Variants in ICA1 observed in about 807,000 individuals in gnomAD.
ICA1 encodes islet cell autoantigen 1, also known as 69 kDa islet cell autoantigen.
ICA1 carries 40 observed loss-of-function variants against 71.0 expected under a neutral mutation model. That is an observed-to-expected ratio of 0.56 (90% CI 0.44 to 0.73). The LOEUF (loss-of-function observed/expected upper bound fraction) is 0.73. ICA1 is among the 30% of genes least tolerant of loss of function. ICA1 has a pLI of 0.00. For synonymous variants in ICA1, 207 were observed against 209.5 expected (o/e 0.99, Z 0.10); for missense variants, 578 against 576.5 (o/e 1.00, Z -0.03).
rs527954011 is a variant in ICA1 at position 8,239,948 on chromosome 7, T to C, written c.-79-3943A>G. Among the ~76,000 whole-genome samples, 18 of 152,326 alleles carry C rather than the reference T, an allele frequency of 1.2e-4. No homozygotes were observed. The South Asian group carries it at 3.3e-3, about 28-fold the overall frequency. On this transcript the variant is annotated intron_variant, in intron 1 of 13. Coordinates refer to ENST00000402384, the MANE Select transcript of ICA1 (RefSeq NM_001136020.3). ...AGCTCAGCAAGGCCTGTTGCCTCTG[T>C]ACATTCCACCTCTGGGGGAAGGGCA...
intron 10 of ICA1, among the ~76,000 whole-genome samples, chr7:8,139,701 T>C (rs1046111148): frequency 2.0e-5 from 3 of 152,342 alleles, no homozygotes; most frequent in South Asian, 2.1e-4. Flanking sequence ...TGTAGGTTTA[T>C]TGACTATAAC....
At position 8,144,906 on chromosome 7, in the gene ICA1, G is replaced by A. The variant is rs1796364738; in HGVS notation, c.805-934C>T. On this transcript the variant is annotated intron_variant, in intron 8 of 13. Transcript: ENST00000402384. The surrounding 1 kb of genome is among the most constrained non-coding windows in gnomAD (Gnocchi z 4.5). The stretch of plus-strand genomic sequence containing the variant: ...TCCTTCTCCTGCCTATCGTTCACTT[G>A]TCTGACACACATAGGAGGCAATCAG... 6.6e-6 allele frequency among the ~76,000 whole-genome samples: 1 copy of A among 152,054 alleles called. No individual in the cohort carries two copies. The highest frequency in any genetic ancestry group is 1.5e-5 in the Non-Finnish European group (1 of 68,026).
chr7:8,150,065 A>T (rs1371167294), intron 8 of ICA1, among the ~76,000 whole-genome samples: 2 of 152,246 alleles, frequency 1.3e-5, no homozygotes, highest in African/African-American at 4.8e-5. Context: ...TTAGAGAAAA[A>T]TAATCACAAT....
chr7:8,128,044 C>T lies in ICA1; in HGVS notation c.1159G>A (p.Glu387Lys). The change falls in exon 13 of 14, where the codon GAG becomes AAG. Residue 387 changes from glutamate to lysine, a missense_variant. Coordinates refer to ENST00000402384, the MANE Select transcript of ICA1 (RefSeq NM_001136020.3). ...GCCCACTCTTTGCTGAACTCGCCCT[C>T]TTCCAAGGAGGAAGCATTGAAGATC... ...SEIFNASSLEEGEFSKEWAAV... is the reference protein window; with the variant it reads ...SEIFNASSLEKGEFSKEWAAV... 1.2e-6 allele frequency: 2 copies of T among 1,614,248 alleles called. No homozygotes were observed. Among genetic ancestry groups the T allele is most frequent in the Non-Finnish European group, 1.7e-6 (2 of 1,180,050 alleles).
At chr7:8,159,668 C>A (rs1459791760) in intron 6 of ICA1, among the ~76,000 whole-genome samples, 1 of 151,996 alleles carries the variant, frequency 6.6e-6, no homozygotes, top group Non-Finnish European at 1.5e-5. Flanking sequence ...CCACTGCACC[C>A]CAGCCTGGGT....
rs751314209 is a variant in ICA1, at chr7:8,234,894, G to A, written c.17+1016C>T. On this transcript the variant is annotated intron_variant, in intron 2 of 13. Transcript: ENST00000402384. This position sits in a 1 kb window ranked among gnomAD's most constrained non-coding sequence, Gnocchi z 4.5. ...AGAATGGATTTCTTTGGCCGGGCGC[G>A]GTGGCTCATGCCTGTAATCCCAGCA... Among the ~76,000 whole-genome samples, 15 of 152,176 alleles carry A rather than the reference G, an allele frequency of 9.9e-5. No homozygotes were observed. Among genetic ancestry groups the A allele is most frequent in the African/African-American group, 4.8e-5 (2 of 41,440 alleles).
At chr7:8,126,538 T>TAA (rs543328549) in intron 13 of ICA1, among the ~76,000 whole-genome samples, 1 of 151,264 alleles carries the variant, frequency 6.6e-6, no homozygotes, top group Non-Finnish European at 1.5e-5. Flanking sequence ...GTATTTCATT[T>TAA]AAAAAAAAAG....
rs751159606 is a variant in ICA1, at chr7:8,123,009, G to A, written c.1330+4864C>T. ...GCATTGCCTGTCTCCAGCTCAGGTG[G>A]CCTCTCTGGCTGGCTCTCCTCCTAC... On this transcript the variant is annotated intron_variant, in intron 13 of 13. Coordinates refer to ENST00000402384, the MANE Select transcript of ICA1 (RefSeq NM_001136020.3). This position sits in a 1 kb window ranked among gnomAD's most constrained non-coding sequence, Gnocchi z 4.1. Among the ~76,000 whole-genome samples, 2 of 152,160 alleles carry A rather than the reference G, an allele frequency of 1.3e-5. No homozygotes were observed. Among genetic ancestry groups the A allele is most frequent in the African/African-American group, 4.8e-5 (2 of 41,424 alleles).
intron 1 of ICA1, among the ~76,000 whole-genome samples, chr7:8,249,538 C>T (rs182601036): frequency 1.8e-3 from 278 of 152,236 alleles, no homozygotes; most frequent in African/African-American, 6.2e-3. Flanking sequence ...CATGTTTTGT[C>T]CTGCCTTTGT....
At chr7:8,219,545 C>T (rs1375952503) in intron 5 of ICA1, among the ~76,000 whole-genome samples, 7 of 152,200 alleles carry the variant, frequency 4.6e-5, no homozygotes, top group Admixed American at 4.6e-4. Flanking sequence ...TTTTCTTCTT[C>T]TCTGTAAAGT....
chr7:8,225,101 C>T (rs971317512), intron 4 of ICA1, among the ~76,000 whole-genome samples: 1 of 152,154 alleles, frequency 6.6e-6, no homozygotes, highest in Non-Finnish European at 1.5e-5. Flanking sequence ...ATACATGAGA[C>T]AATGCAAATG....
At chr7:8,236,644 C>G (rs1224991313) in intron 1 of ICA1, among the ~76,000 whole-genome samples, 1 of 152,156 alleles carries the variant, frequency 6.6e-6, no homozygotes, top group Non-Finnish European at 1.5e-5. Context: ...AATAAGATAG[C>G]AAGAAGGGCA....
intron 6 of ICA1, among the ~76,000 whole-genome samples, chr7:8,160,713 C>T (rs1803452070): frequency 6.6e-6 from 1 of 152,190 alleles, no homozygotes; most frequent in Non-Finnish European, 1.5e-5. Flanking sequence ...GTCTACAGAT[C>T]TGGGAAGATC....
intron 13 of ICA1, among the ~76,000 whole-genome samples, chr7:8,127,656 C>G (rs572402821): frequency 7.9e-5 from 12 of 152,232 alleles, no homozygotes; most frequent in Admixed American, 2.0e-4. Flanking sequence ...AACCACTCAT[C>G]TAACCTTTGA....
At chr7:8,250,172 T>C (rs1380876439) in intron 1 of ICA1, among the ~76,000 whole-genome samples, 2 of 152,376 alleles carry the variant, frequency 1.3e-5, no homozygotes, top group East Asian at 3.9e-4. Context: ...TATGTTTTCA[T>C]CATTTTTCCT....
intron 1 of ICA1, among the ~76,000 whole-genome samples, chr7:8,255,125 C>G (rs1257883263): frequency 6.6e-6 from 1 of 152,176 alleles, no homozygotes; most frequent in Non-Finnish European, 1.5e-5. Flanking sequence ...ATCTTTCTGT[C>G]TCTTCTCTTT....
intron 3 of ICA1, among the ~76,000 whole-genome samples, chr7:8,230,406 G>C (rs1233364332): frequency 6.6e-6 from 1 of 152,056 alleles, no homozygotes; most frequent in Non-Finnish European, 1.5e-5. Context: ...ACATCAAAGA[G>C]GTTTTCACAT....
At chr7:8,174,771 A>AAAACAAACAAAAAACC (rs1554310914) in intron 6 of ICA1, among the ~76,000 whole-genome samples, 1 of 106,038 alleles carries the variant, frequency 9.4e-6, no homozygotes, top group Non-Finnish European at 2.0e-5. Flanking sequence ...AAAAAAAAAA[A>AAAACAAACAAAAAACC]AAAAAAAACA....
intron 1 of ICA1, among the ~76,000 whole-genome samples, chr7:8,238,206 T>C (rs1802505574): frequency 6.6e-6 from 1 of 152,198 alleles, no homozygotes; most frequent in South Asian, 2.1e-4. Flanking sequence ...ACTTAATTTT[T>C]TGAGGAAACT....
Sources: gnomAD v4.1 joint callset for allele counts (sites outside exome capture counted in the v4.1 genomes callset) on GRCh38, gnomAD v4.1.1 for gene constraint, Gnocchi (gnomAD v3.1) non-coding constraint, MANE v1.5 for transcripts, NCBI Gene and HGNC (gene_info 2026-07-23, HGNC 2026-07-21) for gene names.